The following GSG1L variants were observed in gnomAD, a reference collection of about 807,000 sequenced individuals.
GSG1L encodes germ cell-specific gene 1-like protein.
GSG1L carries 24 observed loss-of-function variants against 42.1 expected under a neutral mutation model. The ratio of observed to expected loss-of-function variants is 0.57; its 90% confidence interval spans 0.41 to 0.80. The LOEUF is 0.80. GSG1L is among the 30% of genes least tolerant of loss of function. The probability of loss-of-function intolerance (pLI) is 0.00; values close to 1 mark genes in which losing one functional copy is unlikely to be tolerated. For missense variants in GSG1L, 445 were observed against 472.2 expected, an observed-to-expected ratio of 0.94 and a Z score of 0.53; for synonymous variants, 215 against 203.5, an observed-to-expected ratio of 1.06 and a Z score of -0.48.
chr16:27,822,850 C>G (rs966411950), intron 5 of GSG1L, among the ~76,000 whole-genome samples: 6 of 152,104 alleles, frequency 3.9e-5, no homozygotes, highest in Non-Finnish European at 8.8e-5. Flanking sequence ...GACATAAACA[C>G]GAAAATAAAT....
At chr16:28,020,926 A>G (rs374088698) in intron 1 of GSG1L, among the ~76,000 whole-genome samples, 20 of 152,246 alleles carry the variant, frequency 1.3e-4, no homozygotes, top group African/African-American at 4.3e-4. Flanking sequence ...ACTCACACCT[A>G]CTGCAGCCTC....
intron 2 of GSG1L, among the ~76,000 whole-genome samples, chr16:27,908,510 A>G (rs1044095506): frequency 6.6e-6 from 1 of 152,192 alleles, no homozygotes; most frequent in East Asian, 1.9e-4. Context: ...TTGCGCTGCT[A>G]TAACAGAATA....
intron 1 of GSG1L, among the ~76,000 whole-genome samples, chr16:27,983,641 T>TG (rs1293185246): frequency 1.3e-5 from 2 of 152,182 alleles, no homozygotes; most frequent in Non-Finnish European, 1.5e-5. Flanking sequence ...AATATAGAGA[T>TG]GGGGTCTCAC....
At chr16:27,806,958 G>A (rs940918256) in intron 6 of GSG1L, among the ~76,000 whole-genome samples, 1 of 152,214 alleles carries the variant, frequency 6.6e-6, no homozygotes, top group African/African-American at 2.4e-5. Flanking sequence ...GCTCAGCCAA[G>A]ATCTGACCAT....
At chr16:28,029,609 G>A (rs536228608) in intron 1 of GSG1L, among the ~76,000 whole-genome samples, 2 of 152,026 alleles carry the variant, frequency 1.3e-5, no homozygotes, top group Non-Finnish European at 2.9e-5. Context: ...GGATGCACAG[G>A]TGGATGAATG....
At chr16:27,797,415 T>C (rs2082829427) in intron 6 of GSG1L, among the ~76,000 whole-genome samples, 1 of 149,822 alleles carries the variant, frequency 6.7e-6, no homozygotes, top group Non-Finnish European at 1.5e-5. Flanking sequence ...TCCAGCTACT[T>C]GGGAGGCTGA....
Position 28,040,010 on chromosome 16 carries a change from G to A in GSG1L, c.349+23066C>T, listed in dbSNP as rs1212277328. ...ATGGCATCACCCACCAGCTTCTGGA[G>A]CCAAAACCCTAAGGGAGACCCCTGA... is the stretch of plus-strand genomic sequence containing the variant. On this transcript the variant is annotated intron_variant, in intron 1 of 6. Coordinates refer to ENST00000447459, the MANE Select transcript of GSG1L (RefSeq NM_001109763.2). The surrounding 1 kb of genome is among the most constrained non-coding windows in gnomAD (Gnocchi z 4.1). Among the ~76,000 whole-genome samples, 2 of 152,096 alleles carry A rather than the reference G, an allele frequency of 1.3e-5. No homozygotes were observed. Among genetic ancestry groups the A allele is most frequent in the Non-Finnish European group, 2.9e-5 (2 of 68,016 alleles).
chr16:27,923,464 G>C (rs62033481), intron 2 of GSG1L, among the ~76,000 whole-genome samples: 1 of 152,208 alleles, frequency 6.6e-6, no homozygotes, highest in Admixed American at 6.5e-5. Flanking sequence ...TGCCAAAAAC[G>C]CCAGGCAAAG....
chr16:28,061,441 C>G (rs1362110553), intron 1 of GSG1L, among the ~76,000 whole-genome samples: 1 of 152,150 alleles, frequency 6.6e-6, no homozygotes, highest in Non-Finnish European at 1.5e-5. Context: ...AAACGGCCAG[C>G]CTGGCTCAAG....
chr16:28,049,693 A>G (rs977529959), intron 1 of GSG1L, among the ~76,000 whole-genome samples: 1 of 151,918 alleles, frequency 6.6e-6, no homozygotes, highest in Non-Finnish European at 1.5e-5. Flanking sequence ...TCTCAAAAAA[A>G]AAAAAAAAGA....
intron 1 of GSG1L, among the ~76,000 whole-genome samples, chr16:28,021,895 G>A (rs898877658): frequency 9.9e-5 from 15 of 152,168 alleles, no homozygotes; most frequent in Non-Finnish European, 1.3e-4. Context: ...GCCTCGACAC[G>A]GGGCTACTTG....
chr16:27,871,584 A>G (rs565446309), intron 3 of GSG1L, among the ~76,000 whole-genome samples: 146 of 152,272 alleles, frequency 9.6e-4, no homozygotes, highest in African/African-American at 3.4e-3. Context: ...GGCTACAGTG[A>G]GCCCCCTGAT....
At position 27,843,504 on chromosome 16, in the gene GSG1L, T is replaced by TTAAA. The variant is rs1357286018; in HGVS notation, c.662+1445_662+1446insTTTA. Among the ~76,000 whole-genome samples, 85 of 75,934 alleles carry TTAAA rather than the reference T, an allele frequency of 1.1e-3. 1 individual carries two copies. The highest frequency in any genetic ancestry group is 4.1e-3 in the African/African-American group (84 of 20,600). 49.8% of individuals were successfully genotyped at this position (75,934 alleles called of 152,430 possible). ...CCTGGGTGACAGAGCAGAGACTCTG[T>TTAAA]AAAAAAAAAAAAAAAAAAAAAAAAA... On this transcript the variant is annotated intron_variant, in intron 4 of 6. Transcript: ENST00000447459.
intron 1 of GSG1L, among the ~76,000 whole-genome samples, chr16:27,998,894 C>T (rs1325945134): frequency 1.3e-5 from 2 of 152,108 alleles, no homozygotes; most frequent in Non-Finnish European, 2.9e-5. Context: ...GCTACTCAGA[C>T]ATTCAAGGCT....
intron 5 of GSG1L, among the ~76,000 whole-genome samples, chr16:27,809,954 G>A (rs1356900820): frequency 6.6e-6 from 1 of 152,236 alleles, no homozygotes; most frequent in Non-Finnish European, 1.5e-5. Context: ...GGGGGAAGGT[G>A]AGAGTGACAA....
intron 2 of GSG1L, among the ~76,000 whole-genome samples, chr16:27,948,723 T>C (rs1391314456): frequency 2.0e-5 from 3 of 151,116 alleles, no homozygotes; most frequent in African/African-American, 4.9e-5. Flanking sequence ...CATTCGCCTG[T>C]CTCAGCCTCC....
chr16:27,880,486 T>C (rs986281006), intron 3 of GSG1L, among the ~76,000 whole-genome samples: 4 of 152,166 alleles, frequency 2.6e-5, no homozygotes, highest in Non-Finnish European at 5.9e-5. Flanking sequence ...TGGAGCTGGG[T>C]TTAATCCCAG....
At position 28,003,084 on chromosome 16, in the gene GSG1L, T is replaced by C. The variant is rs575663464; in HGVS notation, c.350-39881A>G. Among the ~76,000 whole-genome samples the C allele has an allele frequency of 2.0e-5, 3 of 152,312 alleles. No homozygotes were observed. The South Asian group carries it at 6.2e-4, about 32-fold the overall frequency. On this transcript the variant is annotated intron_variant, in intron 1 of 6. Transcript: ENST00000447459. ...CAAAGAGGCTGTTGTGAGCGAGTCC[T>C]GGGACAATGGGAGAGGCCAGGGCCA... is the stretch of plus-strand genomic sequence containing the variant.
At chr16:27,937,119 G>A (rs567560140) in intron 2 of GSG1L, among the ~76,000 whole-genome samples, 31 of 152,216 alleles carry the variant, frequency 2.0e-4, no homozygotes, top group South Asian at 1.0e-3. Context: ...CCAGCAGGGC[G>A]TCTGCTCCTG....
Sources: allele counts gnomAD v4.1 joint callset (sites outside exome capture counted in the v4.1 genomes callset), GRCh38; gene constraint gnomAD v4.1.1; non-coding constraint Gnocchi (gnomAD v3.1); transcripts MANE v1.5; gene names NCBI Gene and HGNC (gene_info 2026-07-23, HGNC 2026-07-21).